Variants in LPP observed in about 807,000 individuals in gnomAD.
LPP encodes LIM domain containing preferred translocation partner in lipoma.
Under a neutral mutation model 60.4 loss-of-function variants are expected in LPP, and 38 were observed. The ratio of observed to expected loss-of-function variants is 0.63; its 90% CI spans 0.49 to 0.83. The LOEUF is 0.83. Ranked by LOEUF, LPP falls within the 40% of genes least tolerant of loss-of-function variation. The probability of loss-of-function intolerance (pLI) is 0.00; values close to 1 mark genes in which losing one functional copy is unlikely to be tolerated. For synonymous variants in LPP, 328 were observed against 290.8 expected (o/e 1.13, Z -1.30); for missense variants, 902 against 783.6 (o/e 1.15, Z -1.80).
intron 5 of LPP, among the ~76,000 whole-genome samples, chr3:188,518,530 A>T (rs1343479693): frequency 6.6e-6 from 1 of 152,174 alleles, no homozygotes; most frequent in Non-Finnish European, 1.5e-5. Context: ...TCCATATGGG[A>T]TCAGTGGTAA....
At chr3:188,639,386 A>C (rs1454667697) in intron 7 of LPP, among the ~76,000 whole-genome samples, 1 of 151,184 alleles carries the variant, frequency 6.6e-6, no homozygotes, top group Non-Finnish European at 1.5e-5. Context: ...TAAAGACTTA[A>C]ATGTTAGACC....
intron 9 of LPP, among the ~76,000 whole-genome samples, chr3:188,822,921 A>G (rs1754390015): frequency 6.6e-6 from 1 of 152,092 alleles, no homozygotes; most frequent in Admixed American, 6.6e-5. Context: ...ATTGGTGTTT[A>G]TTCTTTTTTA....
chr3:188,648,479 G>A (rs1049818515), intron 7 of LPP, among the ~76,000 whole-genome samples: 4 of 152,052 alleles, frequency 2.6e-5, no homozygotes, highest in African/African-American at 4.8e-5. Context: ...GGATTGGTGG[G>A]GAACCATGAG....
intron 4 of LPP, among the ~76,000 whole-genome samples, chr3:188,455,519 T>C (rs1797539152): frequency 6.6e-6 from 1 of 152,226 alleles, no homozygotes; most frequent in African/African-American, 2.4e-5. Context: ...AAGTAATTGA[T>C]ATCATGTGTG....
intron 6 of LPP, among the ~76,000 whole-genome samples, chr3:188,564,262 T>G (rs943254992): frequency 1.1e-4 from 16 of 151,964 alleles, no homozygotes; most frequent in African/African-American, 2.9e-4. Flanking sequence ...CTGGTCCTAC[T>G]GAGGGTAATT....
intron 2 of LPP, among the ~76,000 whole-genome samples, chr3:188,267,534 G>A (rs982248897): frequency 6.6e-6 from 1 of 152,190 alleles, no homozygotes; most frequent in African/African-American, 2.4e-5. Context: ...AGATCTCATA[G>A]GCTTCTAGCC....
intron 3 of LPP, among the ~76,000 whole-genome samples, chr3:188,358,029 A>C (rs1768123133): frequency 6.8e-6 from 1 of 147,830 alleles, no homozygotes; most frequent in Admixed American, 6.6e-5. Flanking sequence ...AATGACGTGA[A>C]TCTGAAAAAT....
Position 188,175,181 on chromosome 3 carries a change from G to C in LPP, c.-190+20929G>C, listed in dbSNP as rs187672380. 3.9e-3 allele frequency among the ~76,000 whole-genome samples: 599 copies of C among 152,248 alleles called. 7 individuals carry two copies. The highest frequency in any genetic ancestry group is 0.013 in the African/African-American group (560 of 41,540). ...GGCTCACTGCAACTCCACCTCCTGG[G>C]TTCAGGCGATTCTCCTACCTCAGCC... On this transcript the variant is annotated intron_variant, in intron 1 of 11. Coordinates refer to ENST00000617246, the MANE Select transcript of LPP (RefSeq NM_001375462.1).
At chr3:188,676,539 T>C (rs1858147507) in intron 7 of LPP, among the ~76,000 whole-genome samples, 1 of 152,246 alleles carries the variant, frequency 6.6e-6, no homozygotes, top group African/African-American at 2.4e-5. Flanking sequence ...CTTTGTTATA[T>C]GTCTTTGTAC....
chr3:188,240,906 A>C, intron 2 of LPP, among the ~76,000 whole-genome samples: 1 of 152,228 alleles, frequency 6.6e-6, no homozygotes, highest in East Asian at 1.9e-4. Context: ...TGTGGAGAGC[A>C]AGGCCAGTTA....
At chr3:188,353,425 T>C (rs1766541952) in intron 3 of LPP, among the ~76,000 whole-genome samples, 1 of 152,240 alleles carries the variant, frequency 6.6e-6, no homozygotes, top group South Asian at 2.1e-4. Context: ...TTGTTAAGAA[T>C]TCTTATGTGT....
chr3:188,766,770 TAGA>T (rs1251414387), intron 9 of LPP, among the ~76,000 whole-genome samples: 1 of 152,174 alleles, frequency 6.6e-6, no homozygotes, highest in Non-Finnish European at 1.5e-5. Context: ...AATTAGCAAA[TAGA>T]AGAAGAAAGG....
intron 7 of LPP, among the ~76,000 whole-genome samples, chr3:188,632,781 G>A (rs939834737): frequency 2.0e-5 from 3 of 152,122 alleles, no homozygotes; most frequent in Admixed American, 1.3e-4. Context: ...GTTGTATTTG[G>A]TAGTTCTTCT....
At chr3:188,452,986 T>A (rs890440552) in intron 4 of LPP, among the ~76,000 whole-genome samples, 1 of 152,212 alleles carries the variant, frequency 6.6e-6, no homozygotes, top group Non-Finnish European at 1.5e-5. Flanking sequence ...ATGACCATGG[T>A]TCTTACTGGT....
At chr3:188,769,096 C>G (rs1193121405) in intron 9 of LPP, among the ~76,000 whole-genome samples, 1 of 151,820 alleles carries the variant, frequency 6.6e-6, no homozygotes, top group Non-Finnish European at 1.5e-5. Context: ...CATACAGAAG[C>G]AATAAAAAAT....
At chr3:188,685,898 A>G (rs1032953932) in intron 7 of LPP, among the ~76,000 whole-genome samples, 4 of 151,992 alleles carry the variant, frequency 2.6e-5, no homozygotes, top group African/African-American at 9.7e-5. Flanking sequence ...TCCCCTTCCT[A>G]TAAGGGAATG....
intron 6 of LPP, among the ~76,000 whole-genome samples, chr3:188,537,808 G>A (rs940610096): frequency 8.5e-5 from 13 of 152,100 alleles, no homozygotes; most frequent in Non-Finnish European, 1.9e-4. Flanking sequence ...TGAAAAAGAT[G>A]AGGAAGTTTC....
chr3:188,770,007 T>C (rs1272349727), intron 9 of LPP, among the ~76,000 whole-genome samples: 1 of 152,166 alleles, frequency 6.6e-6, no homozygotes, highest in Non-Finnish European at 1.5e-5. Context: ...ATCAGGCTAC[T>C]GTAATAATGG....
intron 6 of LPP, among the ~76,000 whole-genome samples, chr3:188,585,169 ACT>A (rs1016348905): frequency 1.9e-4 from 29 of 152,168 alleles, no homozygotes; most frequent in African/African-American, 7.0e-4. Context: ...AGAACCAGTG[ACT>A]CATTTAGAGA....
Sources: gnomAD v4.1 joint callset for allele counts (sites outside exome capture counted in the v4.1 genomes callset) on GRCh38, gnomAD v4.1.1 for gene constraint, MANE v1.5 for transcripts, NCBI Gene and HGNC (gene_info 2026-07-23, HGNC 2026-07-21) for gene names.